The following CEP85L variants were observed in gnomAD, a reference collection of about 807,000 sequenced individuals.
CEP85L encodes centrosomal protein of 85 kDa-like.
In CEP85L, 60 loss-of-function variants were observed where a neutral mutation model predicts 100.3. The ratio of observed to expected loss-of-function variants is 0.60; its 90% CI spans 0.49 to 0.74. CEP85L has a LOEUF of 0.74. Among genes scored for constraint, CEP85L ranks in the 30% least tolerant of loss-of-function variants. The pLI is 0.00. For synonymous variants in CEP85L, 319 were observed against 322.7 expected, an observed-to-expected ratio of 0.99 and a Z score of 0.12; for missense variants, 973 against 936.2, an observed-to-expected ratio of 1.04 and a Z score of -0.51.
intron 1 of CEP85L, among the ~76,000 whole-genome samples, chr6:118,634,797 A>C (rs764512216): frequency 5.3e-5 from 8 of 152,222 alleles, no homozygotes; most frequent in Non-Finnish European, 4.4e-5. Flanking sequence ...CAAAAATGGC[A>C]ACCAGCCTAG....
intron 2 of CEP85L, among the ~76,000 whole-genome samples, chr6:118,623,057 G>A (rs752281986): frequency 6.6e-6 from 1 of 152,214 alleles, no homozygotes; most frequent in Non-Finnish European, 1.5e-5. Flanking sequence ...CCTGAAGCCA[G>A]CCAGTGGAAA....
chr6:118,689,741 G>T lies in CEP85L; in HGVS notation c.-28+20295C>A, dbSNP rs569471546. Among the ~76,000 whole-genome samples, 3 of 152,162 alleles carry T rather than the reference G, an allele frequency of 2.0e-5. No homozygotes were observed. In the South Asian group the frequency reaches 6.2e-4, roughly 32 times the overall value. On this transcript the variant is annotated intron_variant, in intron 1 of 13. Transcript: ENST00000368488. Reference sequence around the variant, plus strand: ...GTTTGAAGCCTCATGAGTACAATTCGTTCATTCAAGCATTTAGTAATATTA... The same window carrying T: ...GTTTGAAGCCTCATGAGTACAATTCTTTCATTCAAGCATTTAGTAATATTA...
At chr6:118,681,996 G>A (rs940824872) in intron 1 of CEP85L, among the ~76,000 whole-genome samples, 2 of 152,106 alleles carry the variant, frequency 1.3e-5, no homozygotes, top group African/African-American at 4.8e-5. Context: ...TGCTGTGGCT[G>A]GGTGGGATTA....
At chr6:118,623,510 G>A (rs888223308) in intron 2 of CEP85L, among the ~76,000 whole-genome samples, 1 of 152,188 alleles carries the variant, frequency 6.6e-6, no homozygotes, top group African/African-American at 2.4e-5. Flanking sequence ...CAAGGCACTA[G>A]GAATACAATA....
At chr6:118,635,123 T>C (rs1774413851) in intron 1 of CEP85L, among the ~76,000 whole-genome samples, 1 of 152,194 alleles carries the variant, frequency 6.6e-6, no homozygotes, top group Non-Finnish European at 1.5e-5. Flanking sequence ...GACATGACCT[T>C]CTACTGAGAA....
chr6:118,502,583 G>A lies in CEP85L; in HGVS notation c.1257+8715C>T, dbSNP rs573051470. ...AAGCAGTAACAAACTTTGGCGCTCC[G>A]GTTGAAGTTTTTGACTCTTGAAGAA... On this transcript the variant is annotated intron_variant, in intron 5 of 12. Coordinates refer to ENST00000368491, the MANE Select transcript of CEP85L (RefSeq NM_001042475.3). 51 of 474,268 alleles carry A rather than the reference G, an allele frequency of 1.1e-4. No homozygotes were observed. The East Asian group carries it at 1.1e-3, about 11-fold the overall frequency. 29.4% of individuals were successfully genotyped at this position (474,268 alleles called of 1,614,324 possible).
intron 1 of CEP85L, among the ~76,000 whole-genome samples, chr6:118,634,784 T>A (rs1268703529): frequency 6.6e-6 from 1 of 152,132 alleles, no homozygotes; most frequent in Non-Finnish European, 1.5e-5. Context: ...CCTAAACTAT[T>A]ATCAAAAATG....
upstream of CEP85L, chr6:118,652,737 A>G: frequency 2.6e-6 from 4 of 1,546,420 alleles, no homozygotes; most frequent in Non-Finnish European, 3.5e-6. Context: ...GGAGTTTTAC[A>G]TTTAGTCTCC....
At chr6:118,603,053 C>A (rs1352409779) in intron 2 of CEP85L, among the ~76,000 whole-genome samples, 2 of 152,156 alleles carry the variant, frequency 1.3e-5, no homozygotes, top group South Asian at 2.1e-4. Context: ...AACTCCTGAC[C>A]TCATGATCCA....
At chr6:118,635,092 T>G (rs73766588) in intron 1 of CEP85L, among the ~76,000 whole-genome samples, 1 of 152,160 alleles carries the variant, frequency 6.6e-6, no homozygotes, top group African/African-American at 2.4e-5. Flanking sequence ...AACTGGAAAG[T>G]GGTATCTAAA....
chr6:118,675,192 C>G (rs995890661), intron 1 of CEP85L, among the ~76,000 whole-genome samples: 16 of 151,558 alleles, frequency 1.1e-4, no homozygotes, highest in African/African-American at 3.6e-4. Flanking sequence ...ACTTTGAAAA[C>G]ATTATACTAA....
chr6:118,485,587 T>C (rs1041669714), intron 6 of CEP85L, among the ~76,000 whole-genome samples: 2 of 152,216 alleles, frequency 1.3e-5, no homozygotes, highest in Non-Finnish European at 2.9e-5. Flanking sequence ...ATAGAAAACC[T>C]TACATACTGT....
chr6:118,681,744 ATTTC>A (rs1461309733), intron 1 of CEP85L, among the ~76,000 whole-genome samples: 1 of 126,984 alleles, frequency 7.9e-6, no homozygotes, highest in Non-Finnish European at 1.6e-5. Flanking sequence ...TATTATAATT[ATTTC>A]TTTTTTTTTT....
rs959038125 is a variant in CEP85L, at chr6:118,651,276, C to CTCT, written c.-8_-7insAGA. On this transcript the variant is annotated 5_prime_UTR_variant, in exon 1 of 13. Coordinates refer to ENST00000368491, the MANE Select transcript of CEP85L (RefSeq NM_001042475.3). ...CCAGGAAGCGCCCCCACATCGCGGG[C>CTCT]GAGAGGGCCGGGTGGGCCAGGGACG... 1 of 1,485,146 alleles carries CTCT rather than the reference C, an allele frequency of 6.7e-7. No individual in the cohort carries two copies. Among genetic ancestry groups the CTCT allele is most frequent in the African/African-American group, 1.5e-5 (1 of 68,628 alleles). The allele number at this position is 1,485,146 out of a possible 1,614,324, so 92.0% of individuals were successfully genotyped here.
At chr6:118,660,209 A>G (rs983842304) in intron 1 of CEP85L, among the ~76,000 whole-genome samples, 1 of 152,248 alleles carries the variant, frequency 6.6e-6, no homozygotes, top group Non-Finnish European at 1.5e-5. Context: ...TTTGGTACAC[A>G]TGTGGGCATT....
intron 5 of CEP85L, among the ~76,000 whole-genome samples, chr6:118,501,208 T>G (rs1775278277): frequency 6.6e-6 from 1 of 152,240 alleles, no homozygotes; most frequent in Non-Finnish European, 1.5e-5. Flanking sequence ...GGTGCTTCTC[T>G]GACTTGTGCT....
intron 6 of CEP85L, 97 bp from the exon 7 acceptor site, chr6:118,483,955 C>T (rs1232605217): frequency 9.0e-7 from 1 of 1,107,570 alleles, no homozygotes; most frequent in Non-Finnish European, 1.3e-6. Context: ...AATTCACCAA[C>T]AGTTTCAGGT....
intron 2 of CEP85L, among the ~76,000 whole-genome samples, chr6:118,596,945 C>T (rs1562294896): frequency 6.6e-6 from 1 of 152,176 alleles, no homozygotes; most frequent in Non-Finnish European, 1.5e-5. Flanking sequence ...CCCCACATGT[C>T]GTGGGAGGGA....
At chr6:118,680,796 A>T (rs1418362659) in intron 1 of CEP85L, among the ~76,000 whole-genome samples, 3 of 151,918 alleles carry the variant, frequency 2.0e-5, no homozygotes, top group Non-Finnish European at 4.4e-5. Flanking sequence ...GGATCACTTG[A>T]GCCCAGGAGG....
Sources: gnomAD v4.1 joint callset for allele counts (sites outside exome capture counted in the v4.1 genomes callset) on GRCh38, gnomAD v4.1.1 for gene constraint, MANE v1.5 for transcripts, NCBI Gene and HGNC (gene_info 2026-07-23, HGNC 2026-07-21) for gene names.